The following GGT1 variants were observed in gnomAD, a reference collection of about 807,000 sequenced individuals.
GGT1 encodes the protein glutathione hydrolase 1 proenzyme.
In GGT1, 21 loss-of-function variants were observed where a neutral mutation model predicts 56.0. That is an observed-to-expected ratio of 0.38 (90% CI 0.27 to 0.54). The LOEUF is 0.54. Among genes scored for constraint, GGT1 ranks in the 20% least tolerant of loss-of-function variants. The pLI is 0.82. For missense variants in GGT1, 466 were observed against 787.0 expected (o/e 0.59, Z 4.88); for synonymous variants, 238 against 342.6 (o/e 0.69, Z 3.37).
At chr22:24,621,963 T>A (rs2047439586) in intron 9 of GGT1, among the ~76,000 whole-genome samples, 1 of 149,920 alleles carries the variant, frequency 6.7e-6, no homozygotes, top group Non-Finnish European at 1.5e-5. Context: ...GCCAGGAGAA[T>A]CGCTAGAACC....
At chr22:24,585,539 C>G in the GGT1 span, 5 of 321,584 alleles carry the variant, frequency 1.6e-5, no homozygotes, top group Non-Finnish European at 2.9e-5. Flanking sequence ...GACCTTTGTC[C>G]CACCCTTTTG....
At chr22:24,607,068 G>A (rs1396987066) in intron 1 of GGT1, among the ~76,000 whole-genome samples, 1 of 152,144 alleles carries the variant, frequency 6.6e-6, no homozygotes, top group Non-Finnish European at 1.5e-5. Context: ...AGTAACTTGG[G>A]GCAGTTACCA....
chr22:24,606,861 G>T (rs1488864859), intron 1 of GGT1, among the ~76,000 whole-genome samples: 1 of 151,774 alleles, frequency 6.6e-6, no homozygotes, highest in Non-Finnish European at 1.5e-5. Flanking sequence ...CTCAGGTGGA[G>T]GCTGCAGGGG....
chr22:24,595,382 C>G (rs1022464165), intron 1 of GGT1, among the ~76,000 whole-genome samples: 1 of 152,236 alleles, frequency 6.6e-6, no homozygotes, highest in Non-Finnish European at 1.5e-5. Flanking sequence ...CATGATTCCA[C>G]CTCGCTAGCC....
chr22:24,589,791 C>T, the GGT1 span: 3 of 1,593,406 alleles, frequency 1.9e-6, no homozygotes, highest in Non-Finnish European at 2.6e-6. Flanking sequence ...CCACAGTGCC[C>T]AGCCCAGGGC....
At chr22:24,588,293 G>T in the GGT1 span, 1 of 1,613,524 alleles carries the variant, frequency 6.2e-7, no homozygotes, top group Non-Finnish European at 8.5e-7. Flanking sequence ...ATGAGCTGTC[G>T]GCAGATCTTG....
intron 1 of GGT1, among the ~76,000 whole-genome samples, chr22:24,607,414 G>A (rs1310121078): frequency 6.6e-6 from 1 of 152,216 alleles, no homozygotes; most frequent in African/African-American, 2.4e-5. Flanking sequence ...GAACCAGCCT[G>A]GGGCTCACTG....
At chr22:24,585,303 C>T in the GGT1 span, among the ~76,000 whole-genome samples, 2 of 152,214 alleles carry the variant, frequency 1.3e-5, no homozygotes, top group Non-Finnish European at 2.9e-5. Context: ...TGGGCTCAGA[C>T]GTGAGCTTGC....
At chr22:24,589,036 G>A in the GGT1 span, 1 of 1,022,538 alleles carries the variant, frequency 9.8e-7, no homozygotes. Context: ...GCAAGCCCTG[G>A]CTGTTCCTGT....
At position 24,620,181 on chromosome 22, in the gene GGT1, A is replaced by G. The variant is rs1352809603; in HGVS notation, c.383-147A>G. 55 of 1,087,178 alleles carry G rather than the reference A, an allele frequency of 5.1e-5. No homozygotes were observed. Among genetic ancestry groups the G allele is most frequent in the Non-Finnish European group, 5.8e-5 (45 of 773,596 alleles). The allele number at this position is 1,087,178 out of a possible 1,614,324, so 67.3% of individuals were successfully genotyped here. A position where few individuals can be genotyped will look rare whatever the true frequency, so the allele number is the denominator to read the frequency against. ...GGCTGGGCAAGATGGCAAGACCCCAACTCAAAAAAGAAAAAAAAAAAATCT... is the reference window on the plus strand; with the variant it reads ...GGCTGGGCAAGATGGCAAGACCCCAGCTCAAAAAAGAAAAAAAAAAAATCT... On this transcript the variant is annotated intron_variant, in intron 7 of 15. Coordinates refer to ENST00000400382, the MANE Select transcript of GGT1 (RefSeq NM_001288833.2). This position sits in a 1 kb window ranked among gnomAD's most constrained non-coding sequence, Gnocchi z 5.6.
At chr22:24,592,465 A>G (rs1245189605), upstream of GGT1, 2 of 465,730 alleles carry the variant, frequency 4.3e-6, no homozygotes, top group African/African-American at 2.0e-5. Context: ...GTCTCTCAAT[A>G]CAAGATGATT....
At chr22:24,623,572 T>C (rs1601751797) in intron 10 of GGT1, among the ~76,000 whole-genome samples, 1 of 149,642 alleles carries the variant, frequency 6.7e-6, no homozygotes, top group South Asian at 2.1e-4. Flanking sequence ...ACTTGGTCAT[T>C]GAATGGCCAG....
the GGT1 span, chr22:24,588,657 T>G: frequency 8.8e-7 from 1 of 1,136,472 alleles, no homozygotes; most frequent in South Asian, 2.3e-5. Flanking sequence ...CTGCCCACCC[T>G]CAGCACCCTT....
At chr22:24,609,903 A>G in intron 2 of GGT1, 62 bp from the exon 3 acceptor site, 1 of 427,984 alleles carries the variant, frequency 2.3e-6, no homozygotes, top group Non-Finnish European at 4.9e-6. Context: ...TGATAATCAC[A>G]GCTACCATTC....
At chr22:24,585,361 C>T in the GGT1 span, among the ~76,000 whole-genome samples, 1 of 152,160 alleles carries the variant, frequency 6.6e-6, no homozygotes, top group East Asian at 1.9e-4. Context: ...TCCCGACCCG[C>T]TCCTTCGCAG....
intron 7 of GGT1, among the ~76,000 whole-genome samples, chr22:24,617,284 T>C (rs1017167489): frequency 7.2e-5 from 11 of 152,158 alleles, no homozygotes; most frequent in Non-Finnish European, 1.2e-4. Context: ...CTGGGGAGGC[T>C]GCAGCAAGTG....
chr22:24,606,473 C>A (rs2046331617), intron 1 of GGT1, among the ~76,000 whole-genome samples: 2 of 152,198 alleles, frequency 1.3e-5, no homozygotes, highest in East Asian at 1.9e-4. Context: ...TAGACCCCTC[C>A]TGGCTGACTG....
At chr22:24,605,057 ATT>A (rs1491201506) in intron 1 of GGT1, among the ~76,000 whole-genome samples, 1 of 75,636 alleles carries the variant, frequency 1.3e-5, no homozygotes, top group Non-Finnish European at 2.2e-5. Flanking sequence ...TATATTATAT[ATT>A]ATATGTAATA....
chr22:24,601,782 C>T (rs1413134480), upstream of GGT1, among the ~76,000 whole-genome samples: 4 of 152,228 alleles, frequency 2.6e-5, no homozygotes, highest in African/African-American at 4.8e-5. Flanking sequence ...GCACCCGCCC[C>T]GGGCTGTGTT....
Sources: allele counts gnomAD v4.1 joint callset (sites outside exome capture counted in the v4.1 genomes callset), GRCh38; gene constraint gnomAD v4.1.1; non-coding constraint Gnocchi (gnomAD v3.1); transcripts MANE v1.5; gene names NCBI Gene and HGNC (gene_info 2026-07-23, HGNC 2026-07-21).